The following DUSP8 variants were observed in gnomAD, a reference collection of about 807,000 sequenced individuals.
DUSP8 encodes the protein dual specificity protein phosphatase 8.
In DUSP8, 15 loss-of-function variants were observed where a neutral mutation model predicts 38.7. The observed-to-expected ratio is 0.39, with a 90% confidence interval of 0.26 to 0.60. DUSP8 has a LOEUF of 0.60. Ranked by LOEUF, DUSP8 falls within the 20% of genes least tolerant of loss-of-function variation. The pLI is 0.56. For missense variants in DUSP8, 768 were observed against 915.0 expected (o/e 0.84, Z 2.07); for synonymous variants, 458 against 433.9 (o/e 1.06, Z -0.69).
chr11:1,567,620 A>T (rs1214865303), intron 1 of DUSP8, among the ~76,000 whole-genome samples: 1 of 152,044 alleles, frequency 6.6e-6, no homozygotes, highest in African/African-American at 2.4e-5. Flanking sequence ...GTGCATTCCC[A>T]CCATCCCTCC....
intron 3 of DUSP8, among the ~76,000 whole-genome samples, chr11:1,562,459 G>A (rs1848731334): frequency 6.6e-6 from 1 of 152,190 alleles, no homozygotes; most frequent in Non-Finnish European, 1.5e-5. Flanking sequence ...GGGGAACAGG[G>A]TTGGATCAGA....
rs1207482699 is a variant in DUSP8, at chr11:1,555,408, G to A, written c.*1110C>T. ...CTTGGCTGGCGCCTGAACTCCCTGT[G>A]TGAGCAGCACCTGCTCACAGAGCCC... On this transcript the variant is annotated 3_prime_UTR_variant, in exon 7 of 7. Transcript: ENST00000397374. 24 of 986,620 alleles carry A rather than the reference G, an allele frequency of 2.4e-5. No individual in the cohort carries two copies. Among genetic ancestry groups the A allele is most frequent in the South Asian group, 4.7e-5 (1 of 21,334 alleles). 61.1% of individuals were successfully genotyped at this position (986,620 alleles called of 1,614,324 possible).
In DUSP8 at chr11:1,557,330, C is replaced by A. The variant is rs1339768156; in HGVS notation, c.1066G>T (p.Gly356Trp). The change falls in exon 7 of 7, where the codon GGG becomes TGG. Residue 356 changes from glycine to tryptophan, a missense_variant. Physicochemically the swap from Gly to Trp is radical, Grantham distance 184 (BLOSUM62 -2). This residue lies in a region of DUSP8 where 474 missense variants were observed against 430.8 expected (regional missense o/e 1.10). Transcript: ENST00000397374. The surrounding 1 kb of genome is among the most constrained non-coding windows in gnomAD (Gnocchi z 9.9). ...GGCGTGGGGGGCGCGGGGGGCTCCC[C>A]GCCCGCGCTCAGGCCGCCCTCCCTG... ...AAREGGLSAG[G>W]EPPAPPTPPA... The A allele has an allele frequency of 2.0e-6, 3 of 1,513,736 alleles. No individual in the cohort carries two copies. Among genetic ancestry groups the A allele is most frequent in the East Asian group, 5.2e-5 (2 of 38,548 alleles). 93.8% of individuals were successfully genotyped at this position (1,513,736 alleles called of 1,614,324 possible). A position where few individuals can be genotyped will look rare whatever the true frequency, so the allele number is the denominator to read the frequency against.
In DUSP8 at chr11:1,558,060, G is replaced by A; in HGVS notation, c.697+52C>T. 1.2e-6 allele frequency: 2 copies of A among 1,611,226 alleles called. No homozygotes were observed. Among genetic ancestry groups the A allele is most frequent in the Non-Finnish European group, 8.5e-7 (1 of 1,179,270 alleles). On this transcript the variant is annotated intron_variant, in intron 5 of 6. Transcript: ENST00000397374. The surrounding 1 kb of genome is among the most constrained non-coding windows in gnomAD (Gnocchi z 6.3). ...CCTCCTGTGTCTGTGGCCACACACA[G>A]CTCTAGCCTTCCTCTAGCCAGGTCC... is the stretch of plus-strand genomic sequence containing the variant.
At chr11:1,567,460 G>A (rs951218377) in intron 1 of DUSP8, among the ~76,000 whole-genome samples, 2 of 152,210 alleles carry the variant, frequency 1.3e-5, no homozygotes, top group Non-Finnish European at 2.9e-5. Flanking sequence ...TGTGGACCTC[G>A]TCCCTGGCCC....
Position 1,556,414 on chromosome 11 carries a change from C to T in DUSP8, c.*104G>A, listed in dbSNP as rs1278176686. 1.6e-6 allele frequency: 2 copies of T among 1,218,240 alleles called. No individual in the cohort carries two copies. The highest frequency in any genetic ancestry group is 4.2e-5 in the Admixed American group (1 of 23,640). The allele number at this position is 1,218,240 out of a possible 1,614,324, so 75.5% of individuals were successfully genotyped here. ...ATAAAAAATCGAAATATTTACTTCT[C>T]GATAAAAATCCCAGTAAAACCATTT... On this transcript the variant is annotated 3_prime_UTR_variant, in exon 7 of 7. Coordinates refer to ENST00000397374, the MANE Select transcript of DUSP8 (RefSeq NM_004420.3). This position sits in a 1 kb window ranked among gnomAD's most constrained non-coding sequence, Gnocchi z 5.2.
rs1424333612 is a variant in DUSP8 at position 1,557,008 on chromosome 11, G to C, written c.1388C>G (p.Ser463Cys). ...PRRRPRPPAG[S>C]PARSPAHSLG... ...GCTGTGCGCGGGGGAGCGCGCGGGG[G>C]AGCCGGCGGGGGGCCGGGGCCGCCG... Residue 463 changes from serine to cysteine, a missense_variant, in exon 7 of 7, where the codon TCC (serine) becomes TGC (cysteine). Transcript: ENST00000397374. The surrounding 1 kb of genome is among the most constrained non-coding windows in gnomAD (Gnocchi z 9.9). 3 of 1,022,064 alleles carry C rather than the reference G, an allele frequency of 2.9e-6. No homozygotes were observed. The African/African-American group carries it at 5.2e-5, about 18-fold the overall frequency. 63.3% of individuals were successfully genotyped at this position (1,022,064 alleles called of 1,614,324 possible).
chr11:1,566,892 C>T (rs1253034277), intron 1 of DUSP8, among the ~76,000 whole-genome samples: 1 of 152,026 alleles, frequency 6.6e-6, no homozygotes, highest in Non-Finnish European at 1.5e-5. Context: ...GAAGCCCCTC[C>T]TGCAGGCTTG....
chr11:1,559,349 T>G, intron 3 of DUSP8: 1 of 336,848 alleles, frequency 3.0e-6, no homozygotes, highest in Non-Finnish European at 5.4e-6. Context: ...AAAGGTGGCG[T>G]TGAGGTGGCT....
At chr11:1,568,769 C>T (rs1848844860) in intron 1 of DUSP8, among the ~76,000 whole-genome samples, 1 of 152,228 alleles carries the variant, frequency 6.6e-6, no homozygotes. Context: ...GCCGGCTCCC[C>T]GCCCCCTCAG....
intron 1 of DUSP8, among the ~76,000 whole-genome samples, chr11:1,568,611 G>A (rs190940065): frequency 5.3e-5 from 8 of 152,204 alleles, no homozygotes; most frequent in East Asian, 3.9e-4. Context: ...GTGGGCACGC[G>A]CCCCTCCCTG....
rs1176053475 is a variant in DUSP8, at chr11:1,554,667, C to T, written c.*1851G>A. ...AGGGAGAAGGGGGCCCAACCAGTGGCCCCAGACCACTGTCTCCCGGACAGC... is the reference window on the plus strand; with the variant it reads ...AGGGAGAAGGGGGCCCAACCAGTGGTCCCAGACCACTGTCTCCCGGACAGC... On this transcript the variant is annotated 3_prime_UTR_variant, in exon 7 of 7. Coordinates refer to ENST00000397374, the MANE Select transcript of DUSP8 (RefSeq NM_004420.3). 2 of 983,772 alleles carry T rather than the reference C, an allele frequency of 2.0e-6. No individual in the cohort carries two copies. Among genetic ancestry groups the T allele is most frequent in the Non-Finnish European group, 2.4e-6 (2 of 826,444 alleles). 60.9% of individuals were successfully genotyped at this position (983,772 alleles called of 1,614,324 possible). A position where few individuals can be genotyped will look rare whatever the true frequency, so the allele number is the denominator to read the frequency against.
intron 2 of DUSP8, among the ~76,000 whole-genome samples, chr11:1,564,456 A>G: frequency 6.7e-6 from 1 of 149,940 alleles, no homozygotes; most frequent in East Asian, 2.0e-4. Flanking sequence ...TCTGCTCCCC[A>G]CCCTATCCCC....
rs1254655780 is a variant in DUSP8 at position 1,555,315 on chromosome 11, G to A, written c.*1203C>T. The A allele has an allele frequency of 6.1e-6, 6 of 987,826 alleles. No homozygotes were observed. The highest frequency in any genetic ancestry group is 4.7e-5 in the South Asian group (1 of 21,390). The allele number at this position is 987,826 out of a possible 1,614,324, so 61.2% of individuals were successfully genotyped here. On this transcript the variant is annotated 3_prime_UTR_variant, in exon 7 of 7. Coordinates refer to ENST00000397374, the MANE Select transcript of DUSP8 (RefSeq NM_004420.3). ...CGGCCCCATGGGGGTGGGGGCAAAC[G>A]AGGGGGCTTTACCTGTCTTGAGGCA...
intron 3 of DUSP8, among the ~76,000 whole-genome samples, chr11:1,563,313 G>A (rs2133441129): frequency 6.6e-6 from 1 of 152,338 alleles, no homozygotes; most frequent in Middle Eastern, 3.4e-3. Context: ...ACGAGTGTGT[G>A]AGTGTATATG....
chr11:1,563,064 C>T (rs1253806098), intron 3 of DUSP8, among the ~76,000 whole-genome samples: 2 of 152,134 alleles, frequency 1.3e-5, no homozygotes, highest in African/African-American at 4.8e-5. Flanking sequence ...CTACTCCTCA[C>T]CCCACCGTGC....
intron 2 of DUSP8, among the ~76,000 whole-genome samples, chr11:1,565,072 C>T (rs561213428): frequency 6.6e-6 from 1 of 152,338 alleles, no homozygotes; most frequent in African/African-American, 2.4e-5. Context: ...AGAGAGAATT[C>T]TGGGTCCCTG....
At position 1,565,904 on chromosome 11, in the gene DUSP8, G is replaced by T; in HGVS notation, c.-78C>A. 1.6e-6 allele frequency: 2 copies of T among 1,231,210 alleles called. No homozygotes were observed. The highest frequency in any genetic ancestry group is 2.4e-6 in the Non-Finnish European group (2 of 847,592). The allele number at this position is 1,231,210 out of a possible 1,614,324, so 76.3% of individuals were successfully genotyped here. A position where few individuals can be genotyped will look rare whatever the true frequency, so the allele number is the denominator to read the frequency against. ...TCCGACGGCCCAGGTGTGGCCTCGC[G>T]CTGGGAGTGACCTAGCACATGGTGC... On this transcript the variant is annotated 5_prime_UTR_variant, in exon 2 of 7. Transcript: ENST00000397374.
At chr11:1,564,444 A>G (rs1019634478) in intron 2 of DUSP8, among the ~76,000 whole-genome samples, 1 of 152,154 alleles carries the variant, frequency 6.6e-6, no homozygotes, top group Non-Finnish European at 1.5e-5. Flanking sequence ...GTAGCCAGCA[A>G]TTCTGCTCCC....
Sources: allele counts gnomAD v4.1 joint callset (sites outside exome capture counted in the v4.1 genomes callset), GRCh38; gene constraint gnomAD v4.1.1; regional missense constraint gnomAD v4.1.1; non-coding constraint Gnocchi (gnomAD v3.1); transcripts MANE v1.5; gene names NCBI Gene and HGNC (gene_info 2026-07-23, HGNC 2026-07-21).